The following INVS variants were observed in gnomAD, a reference collection of about 807,000 sequenced individuals.
INVS encodes the protein inversion of embryo turning homolog.
Under a neutral mutation model 108.8 loss-of-function variants are expected in INVS, and 86 were observed. That is an observed-to-expected ratio of 0.79 (90% CI 0.66 to 0.95). INVS has a LOEUF of 0.95. Among genes scored for constraint, INVS ranks in the 40% least tolerant of loss-of-function variants. The pLI, the probability that INVS is intolerant of heterozygous loss-of-function variation, is 0.00. For synonymous variants in INVS, 455 were observed against 473.5 expected, an observed-to-expected ratio of 0.96 and a Z score of 0.51; for missense variants, 1,169 against 1,297.4, an observed-to-expected ratio of 0.90 and a Z score of 1.52.
chr9:100,163,280 A>C (rs1829251758), intron 3 of INVS, among the ~76,000 whole-genome samples: 1 of 151,764 alleles, frequency 6.6e-6, no homozygotes, highest in African/African-American at 2.4e-5. Flanking sequence ...TCCAGTAACA[A>C]ACGCGGGCAC....
At chr9:100,280,916 T>C (rs1245638605) in intron 12 of INVS, among the ~76,000 whole-genome samples, 3 of 152,128 alleles carry the variant, frequency 2.0e-5, no homozygotes, top group Non-Finnish European at 4.4e-5. Flanking sequence ...AGGGAGACCT[T>C]GTCTCTACAA....
intron 2 of INVS, chr9:100,116,877 G>A: frequency 7.9e-7 from 1 of 1,263,500 alleles, no homozygotes; most frequent in Non-Finnish European, 1.1e-6. Flanking sequence ...CAGAGGTCGG[G>A]GGTCAGGTAG....
intron 3 of INVS, among the ~76,000 whole-genome samples, chr9:100,148,430 A>C (rs536323127): frequency 6.6e-6 from 1 of 152,322 alleles, no homozygotes; most frequent in East Asian, 1.9e-4. Context: ...GGTTAATAGA[A>C]ATAGACATGT....
chr9:100,299,555 AACACAC>A (rs55800849), intron 16 of INVS, among the ~76,000 whole-genome samples: 259 of 125,692 alleles, frequency 2.1e-3, no homozygotes, highest in African/African-American at 3.4e-3. Flanking sequence ...ATTGACACAC[AACACAC>A]ACACACACAC....
At chr9:100,117,895 GA>G (rs1230158375) in intron 2 of INVS, among the ~76,000 whole-genome samples, 1 of 151,838 alleles carries the variant, frequency 6.6e-6, no homozygotes, top group Non-Finnish European at 1.5e-5. Context: ...AGGAACCCCA[GA>G]AAGCTCTCAA....
In INVS at chr9:100,133,764, T is replaced by TACACACACACACACACACACACACAC. The variant is rs147744972; in HGVS notation, c.273+7231_273+7256dup. ...ACTATCTGACTATATCTGCCAAAGC[T>TACACACACACACACACACACACACAC]ACACACACACACACACACACACACA... is the stretch of plus-strand genomic sequence containing the variant. On this transcript the variant is annotated intron_variant, in intron 3 of 16. Transcript: ENST00000262457. Among the ~76,000 whole-genome samples the TACACACACACACACACACACACACAC allele has an allele frequency of 2.5e-3, 306 of 123,888 alleles. 5 individuals carry two copies. Among genetic ancestry groups the TACACACACACACACACACACACACAC allele is most frequent in the East Asian group, 6.4e-3 (19 of 2,984 alleles). 81.3% of individuals were successfully genotyped at this position (123,888 alleles called of 152,430 possible). A position where few individuals can be genotyped will look rare whatever the true frequency, so the allele number is the denominator to read the frequency against.
intron 1 of INVS, among the ~76,000 whole-genome samples, chr9:100,100,355 C>T (rs1826787232): frequency 6.6e-6 from 1 of 151,072 alleles, no homozygotes; most frequent in Non-Finnish European, 1.5e-5. Context: ...CTCTTGTCCA[C>T]GCCCCTGACA....
chr9:100,292,358 G>A lies in INVS; in HGVS notation c.2101G>A (p.Ala701Thr), dbSNP rs1833645259. Residue 701 changes from alanine to threonine, a missense_variant, in exon 14 of 17, where the codon GCT (alanine) becomes ACT (threonine). Transcript: ENST00000262457. ...TAREHSKGQSACVHFRPNEGS... is the reference protein window; with the variant it reads ...TAREHSKGQSTCVHFRPNEGS... ...CAGAGAACATTCTAAAGGCCAATCT[G>A]CTTGTGTCCACTTCAGACCCAATGA... The A allele has an allele frequency of 2.5e-6, 4 of 1,614,152 alleles. No individual in the cohort carries two copies. The East Asian group carries it at 8.9e-5, about 36-fold the overall frequency.
chr9:100,226,137 C>T lies in INVS; in HGVS notation c.349C>T (p.Pro117Ser), dbSNP rs1021818693. 1.2e-6 allele frequency: 2 copies of T among 1,613,828 alleles called. No homozygotes were observed. The highest frequency in any genetic ancestry group is 1.3e-5 in the African/African-American group (1 of 74,890). Reference protein sequence around the residue: ...WMQKDLEEMTPLHLTTRHRSP... With the variant: ...WMQKDLEEMTSLHLTTRHRSP... ...GCAAAAGGATCTGGAAGAGATGACT[C>T]CTTTGCACTTGACCACCCGGCACAG... The change falls in exon 4 of 17, where the codon CCT becomes TCT. Residue 117 changes from proline to serine, a missense_variant. Coordinates refer to ENST00000262457, the MANE Select transcript of INVS (RefSeq NM_014425.5).
intron 12 of INVS, among the ~76,000 whole-genome samples, chr9:100,279,411 G>A (rs931515792): frequency 2.6e-5 from 4 of 152,160 alleles, no homozygotes; most frequent in Non-Finnish European, 5.9e-5. Context: ...CCAGATGCTA[G>A]CAACCATCTG....
intron 3 of INVS, among the ~76,000 whole-genome samples, chr9:100,134,828 A>G (rs1465386762): frequency 2.6e-5 from 4 of 152,236 alleles, no homozygotes; most frequent in African/African-American, 2.4e-5. Flanking sequence ...ATGTATTCCT[A>G]CAATGGAACA....
intron 3 of INVS, among the ~76,000 whole-genome samples, chr9:100,137,023 G>A (rs1588028626): frequency 1.3e-5 from 2 of 152,114 alleles, no homozygotes; most frequent in African/African-American, 4.8e-5. Context: ...CTGGTCAGCA[G>A]AGGGAGACTC....
intron 3 of INVS, among the ~76,000 whole-genome samples, chr9:100,216,999 T>G (rs1831010395): frequency 6.6e-6 from 1 of 152,154 alleles, no homozygotes; most frequent in Non-Finnish European, 1.5e-5. Flanking sequence ...GTTCTTGTCC[T>G]TACTCTTCAA....
At chr9:100,229,565 G>T in intron 4 of INVS, 95 bp from the exon 5 acceptor site, 1 of 1,095,008 alleles carries the variant, frequency 9.1e-7, no homozygotes, top group East Asian at 2.4e-5. Context: ...GGCAACTACT[G>T]TATAAAACTC....
At chr9:100,194,779 T>G (rs904674307) in intron 3 of INVS, among the ~76,000 whole-genome samples, 2 of 152,122 alleles carry the variant, frequency 1.3e-5, no homozygotes, top group Non-Finnish European at 2.9e-5. Context: ...CTCTGAGGCT[T>G]AGGGAGAGTA....
intron 7 of INVS, among the ~76,000 whole-genome samples, chr9:100,245,826 G>A (rs114877371): frequency 6.6e-6 from 1 of 152,168 alleles, no homozygotes; most frequent in Non-Finnish European, 1.5e-5. Context: ...CTTCTCTGGA[G>A]GCATGCCTGA....
At chr9:100,175,800 T>A in intron 3 of INVS, 3 of 664,348 alleles carry the variant, frequency 4.5e-6, no homozygotes, top group Non-Finnish European at 2.8e-6. Context: ...CAGCCATTCC[T>A]GAACACTCAG....
At chr9:100,262,001 T>C (rs568196018) in intron 10 of INVS, among the ~76,000 whole-genome samples, 20 of 152,182 alleles carry the variant, frequency 1.3e-4, no homozygotes, top group East Asian at 7.7e-4. Flanking sequence ...GATTTTTTTT[T>C]CCTCTTTTCT....
chr9:100,168,631 C>G (rs899484853), intron 3 of INVS, among the ~76,000 whole-genome samples: 1 of 152,072 alleles, frequency 6.6e-6, no homozygotes, highest in South Asian at 2.1e-4. Flanking sequence ...GTTGGGTAAC[C>G]CTGTCAGCCT....
Sources: allele counts gnomAD v4.1 joint callset (sites outside exome capture counted in the v4.1 genomes callset), GRCh38; gene constraint gnomAD v4.1.1; transcripts MANE v1.5; gene names NCBI Gene and HGNC (gene_info 2026-07-23, HGNC 2026-07-21).